The following PANK3 variants were observed in gnomAD, a reference collection of about 807,000 sequenced individuals.
PANK3 encodes the protein pantothenate kinase 3, also known as hPanK3.
PANK3 carries 20 observed loss-of-function variants against 39.4 expected under a neutral mutation model. That is an observed-to-expected ratio of 0.51 (90% CI 0.36 to 0.74). The LOEUF (loss-of-function observed/expected upper bound fraction) is 0.74, where lower values mean the gene tolerates loss of function less well. Among genes scored for constraint, PANK3 ranks in the 30% least tolerant of loss-of-function variants. The pLI is 0.00. For synonymous variants in PANK3, 140 were observed against 157.3 expected, an observed-to-expected ratio of 0.89 and a Z score of 0.82; for missense variants, 265 against 437.0, an observed-to-expected ratio of 0.61 and a Z score of 3.51.
intron 1 of PANK3, among the ~76,000 whole-genome samples, chr5:168,575,585 A>T (rs965597734): frequency 3.9e-5 from 6 of 152,190 alleles, no homozygotes; most frequent in African/African-American, 1.4e-4. Flanking sequence ...GTTCAAGACC[A>T]GCCTGGCAAG....
rs776674716 is a variant in PANK3 at position 168,566,280 on chromosome 5, C to G, written c.382-14G>C. The G allele has an allele frequency of 1.3e-6, 2 of 1,549,034 alleles. No homozygotes were observed. The highest frequency in any genetic ancestry group is 1.2e-5 in the South Asian group (1 of 83,658). Reference sequence around the variant, plus strand: ...GAGGTTTCCAATCTGTTAAAACAAACAAACAAAAACAAAAAAGGATGACAT... The same window carrying G: ...GAGGTTTCCAATCTGTTAAAACAAAGAAACAAAAACAAAAAAGGATGACAT... On this transcript the variant is annotated splice_polypyrimidine_tract_variant and intron_variant, in intron 2 of 6. Coordinates refer to ENST00000239231, the MANE Select transcript of PANK3 (RefSeq NM_024594.4).
At position 168,554,457 on chromosome 5, in the gene PANK3, T is replaced by C. The variant is rs1012158859; in HGVS notation, c.*3114A>G. On this transcript the variant is annotated 3_prime_UTR_variant, in exon 7 of 7. Coordinates refer to ENST00000239231, the MANE Select transcript of PANK3 (RefSeq NM_024594.4). ...TTCAAATTTTATACTCAAGTCCTTA[T>C]ATTCGATTACAGGCATGAGCCACTG... The C allele has an allele frequency of 1.3e-5, 2 of 152,234 alleles. No individual in the cohort carries two copies. The highest frequency in any genetic ancestry group is 2.9e-5 in the Non-Finnish European group (2 of 68,030). 9.4% of individuals were successfully genotyped at this position (152,234 alleles called of 1,614,324 possible). A position where few individuals can be genotyped will look rare whatever the true frequency, so the allele number is the denominator to read the frequency against.
chr5:168,563,053 T>G (rs1332433581), intron 4 of PANK3, among the ~76,000 whole-genome samples: 10 of 152,088 alleles, frequency 6.6e-5, no homozygotes, highest in African/African-American at 2.2e-4. Flanking sequence ...AAGCATGATC[T>G]GTAACTCACA....
chr5:168,559,255 A>T, intron 5 of PANK3, 98 bp from the exon 6 acceptor site: 1 of 839,188 alleles, frequency 1.2e-6, no homozygotes, highest in East Asian at 2.9e-5. Flanking sequence ...TAAAATGCAA[A>T]AAAACACAAC....
In PANK3 at chr5:168,559,268, C is replaced by T. The variant is rs574323174; in HGVS notation, c.937-111G>A. 2.4e-4 allele frequency: 177 copies of T among 724,202 alleles called. 4 individuals are homozygous for T. The Middle Eastern group carries it at 4.6e-3, about 19-fold the overall frequency. The allele number at this position is 724,202 out of a possible 1,614,324, so 44.9% of individuals were successfully genotyped here. A position where few individuals can be genotyped will look rare whatever the true frequency, so the allele number is the denominator to read the frequency against. On this transcript the variant is annotated intron_variant, in intron 5 of 6. Transcript: ENST00000239231. The stretch of plus-strand genomic sequence containing the variant: ...TTTAAAATGCAAAAAAACACAACTA[C>T]GCTTTATTAGTATAACACCTACTAC...
At chr5:168,558,897 A>C in intron 6 of PANK3, 135 bp downstream of exon 6, 1 of 718,106 alleles carries the variant, frequency 1.4e-6, no homozygotes, top group Non-Finnish European at 2.1e-6. Flanking sequence ...AGGTGGGAGG[A>C]TTGATGAGCC....
At chr5:168,564,751 G>A (rs149687055) in intron 3 of PANK3, among the ~76,000 whole-genome samples, 64 of 152,150 alleles carry the variant, frequency 4.2e-4, no homozygotes, top group African/African-American at 1.4e-3. Flanking sequence ...ATTTTAAATC[G>A]TTTCCAAGAA....
chr5:168,558,664 T>G (rs1376118664), intron 6 of PANK3, among the ~76,000 whole-genome samples: 1 of 152,136 alleles, frequency 6.6e-6, no homozygotes, highest in African/African-American at 2.4e-5. Context: ...AACAGGTTAT[T>G]GTAATTCTCT....
In PANK3 at chr5:168,553,530, G is replaced by A. The variant is rs1759304235; in HGVS notation, c.*4041C>T. ...AAGATGGCCACAGACAAGGGCCAGG[G>A]GGACATGAGCAAAACCTCAGAGGGA... On this transcript the variant is annotated 3_prime_UTR_variant, in exon 7 of 7. Transcript: ENST00000239231. 6.0e-6 allele frequency: 2 copies of A among 335,258 alleles called. No homozygotes were observed. Among genetic ancestry groups the A allele is most frequent in the Non-Finnish European group, 1.2e-5 (2 of 171,210 alleles). 20.8% of individuals were successfully genotyped at this position (335,258 alleles called of 1,614,324 possible).
At chr5:168,558,771 G>A (rs1052801001) in intron 6 of PANK3, among the ~76,000 whole-genome samples, 5 of 152,170 alleles carry the variant, frequency 3.3e-5, no homozygotes, top group Non-Finnish European at 5.9e-5. Context: ...GAGGCCAGGA[G>A]TTCCAGACTA....
In PANK3 at chr5:168,557,354, G is replaced by T; in HGVS notation, c.*217C>A. The T allele has an allele frequency of 2.0e-6, 1 of 499,220 alleles. No individual in the cohort carries two copies. The highest frequency in any genetic ancestry group is 3.6e-6 in the Non-Finnish European group (1 of 280,256). 30.9% of individuals were successfully genotyped at this position (499,220 alleles called of 1,614,324 possible). A position where few individuals can be genotyped will look rare whatever the true frequency, so the allele number is the denominator to read the frequency against. ...AAGCTCAATAATCAGAGGCTGTATTGCATTTAAGGATTTAACACTGGCTAT... is the reference window on the plus strand; with the variant it reads ...AAGCTCAATAATCAGAGGCTGTATTTCATTTAAGGATTTAACACTGGCTAT... On this transcript the variant is annotated 3_prime_UTR_variant, in exon 7 of 7. Coordinates refer to ENST00000239231, the MANE Select transcript of PANK3 (RefSeq NM_024594.4).
intron 2 of PANK3, 34 bp from the exon 3 acceptor site, chr5:168,566,300 T>A: frequency 6.4e-7 from 1 of 1,554,570 alleles, no homozygotes; most frequent in African/African-American, 1.4e-5. Context: ...CAAAAAAGGA[T>A]GACATTCAAA....
At position 168,568,839 on chromosome 5, in the gene PANK3, A is replaced by G; in HGVS notation, c.188T>C (p.Ile63Thr). The change falls in exon 2 of 7, where the codon ATT becomes ACT. Residue 63 changes from isoleucine (I) to threonine (T), a missense_variant. Coordinates refer to ENST00000239231, the MANE Select transcript of PANK3 (RefSeq NM_024594.4). The part of the protein sequence containing the change: ...TSNVAYGSTG[I>T]RDVHLELKDL... ...TTTCAGTTCAAGGTGTACATCCCGAATGCCGGTGGATCCATATGCCACGTT... is the reference window on the plus strand; with the variant it reads ...TTTCAGTTCAAGGTGTACATCCCGAGTGCCGGTGGATCCATATGCCACGTT... 1 of 1,613,918 alleles carries G rather than the reference A, an allele frequency of 6.2e-7. No homozygotes were observed. Among genetic ancestry groups the G allele is most frequent in the East Asian group, 2.2e-5 (1 of 44,866 alleles).
intron 1 of PANK3, among the ~76,000 whole-genome samples, chr5:168,578,900 A>C (rs1292810773): frequency 2.0e-5 from 3 of 152,242 alleles, no homozygotes; most frequent in Non-Finnish European, 4.4e-5. Flanking sequence ...AAAAGCCGCC[A>C]GCGCAACCTG....
At chr5:168,578,902 C>A (rs925925929) in intron 1 of PANK3, among the ~76,000 whole-genome samples, 1 of 152,188 alleles carries the variant, frequency 6.6e-6, no homozygotes, top group Non-Finnish European at 1.5e-5. Flanking sequence ...AAGCCGCCAG[C>A]GCAACCTGAC....
At position 168,556,429 on chromosome 5, in the gene PANK3, T is replaced by C. The variant is rs951807886; in HGVS notation, c.*1142A>G. 2 of 152,292 alleles carry C rather than the reference T, an allele frequency of 1.3e-5. No individual in the cohort carries two copies. The highest frequency in any genetic ancestry group is 1.3e-4 in the Admixed American group (2 of 15,288). 9.4% of individuals were successfully genotyped at this position (152,292 alleles called of 1,614,324 possible). ...CTCAGCCTCTCTTCCCCTTTTCCTA[T>C]GTTGCTCAATCTTCCTTTCCCTCCT... On this transcript the variant is annotated 3_prime_UTR_variant, in exon 7 of 7. Transcript: ENST00000239231.
chr5:168,568,669 TG>T lies in PANK3; in HGVS notation c.357del (p.Tyr119Ter). On this transcript the variant is annotated frameshift_variant, in exon 2 of 7. Transcript: ENST00000239231. LOFTEE classifies it high-confidence loss of function. Reference sequence around the variant, plus strand: ...ACTGTGCGAAAATCTTTTTCAAACTTGTAAGCACCACCTCCTGTAGCACATA... The same window carrying T: ...ACTGTGCGAAAATCTTTTTCAAACTTTAAGCACCACCTCCTGTAGCACATA... ...TVLCATGGGA[Y>X]KFEKDFRTIG... The T allele has an allele frequency of 6.2e-7, 1 of 1,609,052 alleles. No homozygotes were observed. Among genetic ancestry groups the T allele is most frequent in the Non-Finnish European group, 8.5e-7 (1 of 1,177,608 alleles).
intron 1 of PANK3, among the ~76,000 whole-genome samples, chr5:168,577,642 T>C (rs1759749950): frequency 6.6e-6 from 1 of 152,222 alleles, no homozygotes; most frequent in Non-Finnish European, 1.5e-5. Flanking sequence ...CCTAGCCCTA[T>C]TTTATAAACT....
chr5:168,562,921 T>C (rs746840289), intron 4 of PANK3, among the ~76,000 whole-genome samples: 1 of 151,950 alleles, frequency 6.6e-6, no homozygotes, highest in African/African-American at 2.4e-5. Context: ...AGTATAATGC[T>C]GGTACATCAA....
Sources: gnomAD v4.1 joint callset for allele counts (sites outside exome capture counted in the v4.1 genomes callset) on GRCh38, gnomAD v4.1.1 for gene constraint, MANE v1.5 for transcripts, NCBI Gene and HGNC (gene_info 2026-07-23, HGNC 2026-07-21) for gene names.